The following ELN variants were observed in gnomAD, a reference collection of about 807,000 sequenced individuals.
The protein encoded by ELN is tropoelastin.
Under a neutral mutation model 105.8 loss-of-function variants are expected in ELN, and 65 were observed. The observed-to-expected ratio is 0.61, with a 90% CI of 0.50 to 0.75. The LOEUF is 0.75. Among genes scored for constraint, ELN ranks in the 30% least tolerant of loss-of-function variants. The pLI is 0.00. For missense variants in ELN, 882 were observed against 969.4 expected (o/e 0.91, Z 1.20); for synonymous variants, 368 against 389.2 (o/e 0.95, Z 0.64).
At chr7:74,049,366 G>A (rs1306064297) in intron 15 of ELN, among the ~76,000 whole-genome samples, 9 of 94,748 alleles carry the variant, frequency 9.5e-5, no homozygotes, top group Middle Eastern at 0.01. Flanking sequence ...ATCCATCCAC[G>A]CATCCATCCA....
In ELN at chr7:74,063,660, G is replaced by A. The variant is rs1554686870; in HGVS notation, c.1958G>A (p.Gly653Glu). 2 of 1,613,748 alleles carry A rather than the reference G, an allele frequency of 1.2e-6. No individual in the cohort carries two copies. The highest frequency in any genetic ancestry group is 1.7e-5 in the Admixed American group (1 of 59,924). Residue 653 changes from glycine to glutamate, a missense_variant, in exon 29 of 33, where the codon GGA (glycine) becomes GAA (glutamate). Coordinates refer to ENST00000252034, the MANE Select transcript of ELN (RefSeq NM_000501.4). This position sits in a 1 kb window ranked among gnomAD's most constrained non-coding sequence, Gnocchi z 4.1. ...GCTGGGCTCGGAGGACTCGGAGTCG[G>A]AGGGCTTGGAGTTCCAGGTGTTGGG... ...GAAGLGGLGV[G>E]GLGVPGVGGL...
At chr7:74,046,079 G>A (rs1213178043) in intron 10 of ELN, 109 bp from the exon 11 acceptor site, 8 of 1,454,406 alleles carry the variant, frequency 5.5e-6, no homozygotes, top group Middle Eastern at 1.7e-4. Flanking sequence ...AGCATGCGAT[G>A]ACTGGTCTGG....
At chr7:74,032,776 A>G (rs1455950893) in intron 1 of ELN, among the ~76,000 whole-genome samples, 5 of 152,166 alleles carry the variant, frequency 3.3e-5, no homozygotes, top group Non-Finnish European at 7.4e-5. Context: ...GGGTTCAGCC[A>G]GGCCCAGGGG....
chr7:74,029,192 G>A (rs1788107259), intron 1 of ELN, among the ~76,000 whole-genome samples: 1 of 152,126 alleles, frequency 6.6e-6, no homozygotes, highest in Non-Finnish European at 1.5e-5. Context: ...GTGTTATGGA[G>A]TGTGTACATC....
chr7:74,031,845 A>G (rs986033536), intron 1 of ELN, among the ~76,000 whole-genome samples: 76 of 124,388 alleles, frequency 6.1e-4, no homozygotes, highest in Admixed American at 2.4e-3. Flanking sequence ...AGAAAGAAAG[A>G]AAGGAAGGAA....
intron 19 of ELN, 87 bp from the exon 20 acceptor site, chr7:74,056,184 C>G: frequency 6.4e-7 from 1 of 1,556,888 alleles, no homozygotes; most frequent in Non-Finnish European, 8.9e-7. Flanking sequence ...AATTTACATC[C>G]TCTTTCCCAA....
At chr7:74,060,220 A>G in intron 24 of ELN, 36 bp downstream of exon 24, 1 of 1,613,644 alleles carries the variant, frequency 6.2e-7, no homozygotes, top group South Asian at 1.1e-5. Context: ...CCTCTCCCCA[A>G]CGATCTCAGA....
chr7:74,040,538 G>A (rs1790967882), intron 4 of ELN, among the ~76,000 whole-genome samples: 1 of 152,232 alleles, frequency 6.6e-6, no homozygotes, highest in Non-Finnish European at 1.5e-5. Context: ...ACTCACCCCT[G>A]AGGCTCAGGA....
intron 9 of ELN, among the ~76,000 whole-genome samples, chr7:74,044,499 C>G (rs970852389): frequency 1.3e-5 from 2 of 152,160 alleles, no homozygotes; most frequent in African/African-American, 4.8e-5. Context: ...GGCGGGCCCC[C>G]GAGGACAGAT....
intron 1 of ELN, 72 bp from the exon 2 acceptor site, chr7:74,035,292 A>C: frequency 6.5e-7 from 1 of 1,548,944 alleles, no homozygotes; most frequent in Non-Finnish European, 8.9e-7. Flanking sequence ...TAATGGCAAA[A>C]ATCGCAGTTA....
intron 1 of ELN, 63 bp from the exon 2 acceptor site, chr7:74,035,301 T>C: frequency 6.3e-7 from 1 of 1,585,428 alleles, no homozygotes; most frequent in Middle Eastern, 1.7e-4. Flanking sequence ...AAATCGCAGT[T>C]ACTTTTGCAC....
At position 74,043,048 on chromosome 7, in the gene ELN, C is replaced by T. The variant is rs1322531239; in HGVS notation, c.376+14C>T. 3.7e-6 allele frequency: 6 copies of T among 1,614,064 alleles called. No homozygotes were observed. In the East Asian group the frequency reaches 8.9e-5, roughly 24 times the overall value. Reference sequence around the variant, plus strand: ...GAGTGTCTGCAGGTACGATGGCTATCCCCGAACTCCCTGGGTCAAAGTTGC... The same window carrying T: ...GAGTGTCTGCAGGTACGATGGCTATTCCCGAACTCCCTGGGTCAAAGTTGC... On this transcript the variant is annotated intron_variant, in intron 7 of 32. Coordinates refer to ENST00000252034, the MANE Select transcript of ELN (RefSeq NM_000501.4).
intron 1 of ELN, among the ~76,000 whole-genome samples, chr7:74,033,685 G>T (rs1789217737): frequency 1.3e-5 from 2 of 152,210 alleles, no homozygotes; most frequent in South Asian, 4.1e-4. Flanking sequence ...GAGGCTGACA[G>T]GGCCCTGGGG....
chr7:74,058,526 T>A (rs991289311), intron 22 of ELN, among the ~76,000 whole-genome samples: 1 of 151,940 alleles, frequency 6.6e-6, no homozygotes, highest in East Asian at 1.9e-4. Flanking sequence ...GCTAATTTTT[T>A]AATTTTTTTG....
intron 17 of ELN, 167 bp downstream of exon 17, chr7:74,052,150 C>G (rs1163508117): frequency 1.0e-5 from 8 of 778,352 alleles, no homozygotes; most frequent in Non-Finnish European, 1.6e-5. Context: ...GATGCCATCT[C>G]TATTGTTTTG....
chr7:74,035,441 C>T lies in ELN; in HGVS notation c.133+27C>T, dbSNP rs782271963. On this transcript the variant is annotated intron_variant, in intron 2 of 32. Transcript: ENST00000252034. The stretch of plus-strand genomic sequence containing the variant: ...TAACGTACATGAAACTTCCACACAC[C>T]CAGGTCATGCGGATGATGCTGATGT... The T allele has an allele frequency of 1.7e-4, 279 of 1,613,768 alleles. 1 individual carries two copies. In the East Asian group the frequency reaches 6.2e-3, roughly 36 times the overall value.
chr7:74,043,982 A>C, intron 9 of ELN, 62 bp downstream of exon 9: 111 of 1,590,382 alleles, frequency 7.0e-5, no homozygotes, highest in Non-Finnish European at 8.7e-5. Context: ...GCAGTGGCTC[A>C]TGCCTATAAT....
At chr7:74,050,455 T>TTCCA (rs373698578) in intron 15 of ELN, among the ~76,000 whole-genome samples, 20 of 145,548 alleles carry the variant, frequency 1.4e-4, no homozygotes, top group Admixed American at 6.1e-4. Flanking sequence ...CCATTGATTC[T>TTCCA]TCCATCCATC....
chr7:74,046,725 G>C lies in ELN; in HGVS notation c.601G>C (p.Gly201Arg). Residue 201 changes from glycine (G) to arginine (R), a missense_variant, in exon 12 of 33, where the codon GGA becomes CGA. Coordinates refer to ENST00000252034, the MANE Select transcript of ELN (RefSeq NM_000501.4). ...GVGPFGGPQPGVPLGYPIKAP... is the reference protein window; with the variant it reads ...GVGPFGGPQPRVPLGYPIKAP... ...TGGACCCTTTGGGGGACCGCAACCTGGAGTCCCACTGGGGTATCCCATCAA... is the reference window on the plus strand; with the variant it reads ...TGGACCCTTTGGGGGACCGCAACCTCGAGTCCCACTGGGGTATCCCATCAA... 1 of 1,614,206 alleles carries C rather than the reference G, an allele frequency of 6.2e-7. No homozygotes were observed. The highest frequency in any genetic ancestry group is 8.5e-7 in the Non-Finnish European group (1 of 1,180,032).
Sources: gnomAD v4.1 joint callset for allele counts (sites outside exome capture counted in the v4.1 genomes callset) on GRCh38, gnomAD v4.1.1 for gene constraint, Gnocchi (gnomAD v3.1) non-coding constraint, MANE v1.5 for transcripts, NCBI Gene and HGNC (gene_info 2026-07-23, HGNC 2026-07-21) for gene names.